Variants in NOPCHAP1 observed in about 807,000 individuals in gnomAD.
NOPCHAP1 encodes the protein NOP protein chaperone 1, also known as DNA damage-sensitive RNA 1.
In NOPCHAP1, 13 loss-of-function variants were observed where a neutral mutation model predicts 14.0. The ratio of observed to expected loss-of-function variants is 0.93; its 90% CI spans 0.60 to 1.47. The LOEUF is 1.47. Ranked by LOEUF, NOPCHAP1 falls within the 40% of genes most tolerant of loss-of-function variation. The pLI is 0.00. For synonymous variants in NOPCHAP1, 78 were observed against 78.4 expected (o/e 1.00, Z 0.03); for missense variants, 230 against 226.9 (o/e 1.01, Z -0.09).
chr12:105,006,230 A>C lies in NOPCHAP1; in HGVS notation c.*11534A>C, dbSNP rs139722499. ...CTTGATGGCTTTCACAGCTTTTTCT[A>C]TAACAATGATATTGTCTTCAATGGT... On this transcript the variant is annotated 3_prime_UTR_variant, in exon 4 of 4. Transcript: ENST00000552951. 4.6e-5 allele frequency: 7 copies of C among 152,200 alleles called. No individual in the cohort carries two copies. The highest frequency in any genetic ancestry group is 7.3e-5 in the Non-Finnish European group (5 of 68,038). The allele number at this position is 152,200 out of a possible 1,614,324, so 9.4% of individuals were successfully genotyped here. A position where few individuals can be genotyped will look rare whatever the true frequency, so the allele number is the denominator to read the frequency against.
intron 1 of NOPCHAP1, 106 bp from the exon 2 acceptor site, chr12:104,988,061 T>G: frequency 3.9e-6 from 3 of 775,850 alleles, no homozygotes; most frequent in Non-Finnish European, 4.1e-6. Flanking sequence ...TTTGGGGGAG[T>G]GTGGACAGTC....
In NOPCHAP1 at chr12:105,000,927, A is replaced by G. The variant is rs1873595561; in HGVS notation, c.*6231A>G. 6.6e-6 allele frequency: 1 copy of G among 151,594 alleles called. No individual in the cohort carries two copies. Among genetic ancestry groups the G allele is most frequent in the Non-Finnish European group, 1.5e-5 (1 of 67,918 alleles). 9.4% of individuals were successfully genotyped at this position (151,594 alleles called of 1,614,324 possible). A position where few individuals can be genotyped will look rare whatever the true frequency, so the allele number is the denominator to read the frequency against. On this transcript the variant is annotated 3_prime_UTR_variant, in exon 4 of 4. Transcript: ENST00000552951. ...GCATAGGTTTTTCAGTAACTATTTC[A>G]TAAGAAACTAATTTATTTTGTATTT...
chr12:105,017,079 A>G lies in NOPCHAP1; in HGVS notation c.*22383A>G, dbSNP rs1565943618. On this transcript the variant is annotated 3_prime_UTR_variant, in exon 4 of 4. Coordinates refer to ENST00000552951, the MANE Select transcript of NOPCHAP1 (RefSeq NM_152318.3). ...TAATGGCTTTTGAAGCAAAAATCTC[A>G]TTCTGAATAAATCTCCCATCTGTTC... 1 of 152,224 alleles carries G rather than the reference A, an allele frequency of 6.6e-6. No individual in the cohort carries two copies. The highest frequency in any genetic ancestry group is 1.5e-5 in the Non-Finnish European group (1 of 68,044). The allele number at this position is 152,224 out of a possible 1,614,324, so 9.4% of individuals were successfully genotyped here.
chr12:104,991,710 A>G lies in NOPCHAP1; in HGVS notation c.203-2A>G, dbSNP rs1363230544. The G allele has an allele frequency of 1.3e-6, 2 of 1,591,818 alleles. No homozygotes were observed. Among genetic ancestry groups the G allele is most frequent in the Non-Finnish European group, 1.7e-6 (2 of 1,174,428 alleles). ...TTGATATGCTGTATTTACTTTCCACAGTATTGGACCAGGTACAGACATTTC... is the reference window on the plus strand; with the variant it reads ...TTGATATGCTGTATTTACTTTCCACGGTATTGGACCAGGTACAGACATTTC... On this transcript the variant is annotated splice_acceptor_variant, in intron 2 of 3. Transcript: ENST00000552951. LOFTEE classifies it high-confidence loss of function.
chr12:104,988,598 C>T (rs1873301321), intron 2 of NOPCHAP1, among the ~76,000 whole-genome samples: 2 of 152,060 alleles, frequency 1.3e-5, no homozygotes, highest in African/African-American at 4.8e-5. Context: ...GAATTGGACA[C>T]AATTATTTAA....
rs1873921321 is a variant in NOPCHAP1 at position 105,015,203 on chromosome 12, C to T, written c.*20507C>T. The T allele has an allele frequency of 6.6e-6, 1 of 152,110 alleles. No homozygotes were observed. Among genetic ancestry groups the T allele is most frequent in the Non-Finnish European group, 1.5e-5 (1 of 68,010 alleles). 9.4% of individuals were successfully genotyped at this position (152,110 alleles called of 1,614,324 possible). A position where few individuals can be genotyped will look rare whatever the true frequency, so the allele number is the denominator to read the frequency against. Reference sequence around the variant, plus strand: ...ATTTTTTCAGCTGGAAAGAGTACACCAGAACTGTACACAGCCGTGATGAGT... The same window carrying T: ...ATTTTTTCAGCTGGAAAGAGTACACTAGAACTGTACACAGCCGTGATGAGT... On this transcript the variant is annotated 3_prime_UTR_variant, in exon 4 of 4. Transcript: ENST00000552951.
Position 105,000,389 on chromosome 12 carries a change from G to A in NOPCHAP1, c.*5693G>A, listed in dbSNP as rs1044434042. 2.0e-5 allele frequency: 3 copies of A among 152,108 alleles called. No homozygotes were observed. Among genetic ancestry groups the A allele is most frequent in the Admixed American group, 6.5e-5 (1 of 15,274 alleles). 9.4% of individuals were successfully genotyped at this position (152,108 alleles called of 1,614,324 possible). A position where few individuals can be genotyped will look rare whatever the true frequency, so the allele number is the denominator to read the frequency against. On this transcript the variant is annotated 3_prime_UTR_variant, in exon 4 of 4. Coordinates refer to ENST00000552951, the MANE Select transcript of NOPCHAP1 (RefSeq NM_152318.3). ...TTGGCATTAGTGGAGTTGTTTCCTG[G>A]TTTTTACCCATTAGCCCACAAACCC...
chr12:104,998,466 C>T lies in NOPCHAP1; in HGVS notation c.*3770C>T, dbSNP rs1259289242. 1 of 152,190 alleles carries T rather than the reference C, an allele frequency of 6.6e-6. No homozygotes were observed. Among genetic ancestry groups the T allele is most frequent in the Non-Finnish European group, 1.5e-5 (1 of 68,078 alleles). The allele number at this position is 152,190 out of a possible 1,614,324, so 9.4% of individuals were successfully genotyped here. On this transcript the variant is annotated 3_prime_UTR_variant, in exon 4 of 4. Transcript: ENST00000552951. Reference sequence around the variant, plus strand: ...AGGGGCCAAGGCTCAACTCAGGATTCCTGGACTGTATGCTGTAATTCTGGG... The same window carrying T: ...AGGGGCCAAGGCTCAACTCAGGATTTCTGGACTGTATGCTGTAATTCTGGG...
Position 105,007,027 on chromosome 12 carries a change from C to G in NOPCHAP1, c.*12331C>G, listed in dbSNP as rs968649940. ...GAAGCTGTTTCTTCTATTATCTTGACTTTTTTTTTTTTTTTAAGTCAAACC... is the reference window on the plus strand; with the variant it reads ...GAAGCTGTTTCTTCTATTATCTTGAGTTTTTTTTTTTTTTTAAGTCAAACC... On this transcript the variant is annotated 3_prime_UTR_variant, in exon 4 of 4. Coordinates refer to ENST00000552951, the MANE Select transcript of NOPCHAP1 (RefSeq NM_152318.3). The G allele has an allele frequency of 7.3e-6, 1 of 136,846 alleles. No individual in the cohort carries two copies. Among genetic ancestry groups the G allele is most frequent in the African/African-American group, 2.7e-5 (1 of 37,422 alleles). 8.5% of individuals were successfully genotyped at this position (136,846 alleles called of 1,614,324 possible). A position where few individuals can be genotyped will look rare whatever the true frequency, so the allele number is the denominator to read the frequency against.
chr12:105,013,181 CAGAGAGGAATCT>C lies in NOPCHAP1; in HGVS notation c.*18493_*18504del, dbSNP rs1873869813. 6.6e-6 allele frequency: 1 copy of C among 152,370 alleles called. No individual in the cohort carries two copies. Among genetic ancestry groups the C allele is most frequent in the South Asian group, 2.1e-4 (1 of 4,840 alleles). 9.4% of individuals were successfully genotyped at this position (152,370 alleles called of 1,614,324 possible). A position where few individuals can be genotyped will look rare whatever the true frequency, so the allele number is the denominator to read the frequency against. On this transcript the variant is annotated 3_prime_UTR_variant, in exon 4 of 4. Coordinates refer to ENST00000552951, the MANE Select transcript of NOPCHAP1 (RefSeq NM_152318.3). ...TGCCTTTCTTTCAGAGATGCCCTGC[CAGAGAGGAATCT>C]AGAGAGGCAGTCTAGGCACAGCTGC...
chr12:104,986,583 GC>G (rs1277592223), intron 1 of NOPCHAP1, 116 bp downstream of exon 1: 1 of 861,044 alleles, frequency 1.2e-6, no homozygotes, highest in Non-Finnish European at 1.7e-6. Context: ...CTCGAGGGGA[GC>G]CCCGGGGACT....
At position 105,007,965 on chromosome 12, in the gene NOPCHAP1, A is replaced by G. The variant is rs1000861086; in HGVS notation, c.*13269A>G. On this transcript the variant is annotated 3_prime_UTR_variant, in exon 4 of 4. Transcript: ENST00000552951. Reference sequence around the variant, plus strand: ...TATTGTGAGCAGTGCTGCAGTAAACATACATGTGTCTTTATAGTAGAATGA... The same window carrying G: ...TATTGTGAGCAGTGCTGCAGTAAACGTACATGTGTCTTTATAGTAGAATGA... The G allele has an allele frequency of 5.3e-5, 8 of 152,032 alleles. No individual in the cohort carries two copies. Among genetic ancestry groups the G allele is most frequent in the African/African-American group, 1.9e-4 (8 of 41,432 alleles). The allele number at this position is 152,032 out of a possible 1,614,324, so 9.4% of individuals were successfully genotyped here.
rs1204595038 is a variant in NOPCHAP1, at chr12:105,017,619, A to G, written c.*22923A>G. 6.6e-6 allele frequency: 1 copy of G among 152,168 alleles called. No homozygotes were observed. The highest frequency in any genetic ancestry group is 2.4e-5 in the African/African-American group (1 of 41,444). The allele number at this position is 152,168 out of a possible 1,614,324, so 9.4% of individuals were successfully genotyped here. A position where few individuals can be genotyped will look rare whatever the true frequency, so the allele number is the denominator to read the frequency against. On this transcript the variant is annotated 3_prime_UTR_variant, in exon 4 of 4. Transcript: ENST00000552951. ...TTGGAATATATAATAAATGTTCATTAAACTGACTATTGTTTCCTTCTCTTT... is the reference window on the plus strand; with the variant it reads ...TTGGAATATATAATAAATGTTCATTGAACTGACTATTGTTTCCTTCTCTTT...
In NOPCHAP1 at chr12:105,014,455, A is replaced by G. The variant is rs557422497; in HGVS notation, c.*19759A>G. The G allele has an allele frequency of 6.6e-6, 1 of 152,184 alleles. No individual in the cohort carries two copies. The highest frequency in any genetic ancestry group is 1.5e-5 in the Non-Finnish European group (1 of 68,018). 9.4% of individuals were successfully genotyped at this position (152,184 alleles called of 1,614,324 possible). On this transcript the variant is annotated 3_prime_UTR_variant, in exon 4 of 4. Transcript: ENST00000552951. ...AAAATATATTTATTGAAAATAATCC[A>G]TGTATAAGTGGACCCACACAGTTCA...
In NOPCHAP1 at chr12:105,016,147, CATT is replaced by C. The variant is rs1873941354; in HGVS notation, c.*21453_*21455del. The C allele has an allele frequency of 6.6e-6, 1 of 151,710 alleles. No homozygotes were observed. The highest frequency in any genetic ancestry group is 2.4e-5 in the African/African-American group (1 of 41,286). The allele number at this position is 151,710 out of a possible 1,614,324, so 9.4% of individuals were successfully genotyped here. On this transcript the variant is annotated 3_prime_UTR_variant, in exon 4 of 4. Coordinates refer to ENST00000552951, the MANE Select transcript of NOPCHAP1 (RefSeq NM_152318.3). ...AAATATCTGAAACATGACAGAGTGTCATTAATATATCATGGGCTTTTACATTTT... is the reference window on the plus strand; with the variant it reads ...AAATATCTGAAACATGACAGAGTGTCAATATATCATGGGCTTTTACATTTT...
rs369884510 is a variant in NOPCHAP1, at chr12:105,015,027, A to G, written c.*20331A>G. 5.3e-5 allele frequency: 8 copies of G among 152,178 alleles called. No individual in the cohort carries two copies. Among genetic ancestry groups the G allele is most frequent in the Non-Finnish European group, 8.8e-5 (6 of 68,024 alleles). The allele number at this position is 152,178 out of a possible 1,614,324, so 9.4% of individuals were successfully genotyped here. ...TTTTCTTTGAATTCTGTTCTTTCCA[A>G]TTCTTCACATTGGCCTGAGTCTTCT... On this transcript the variant is annotated 3_prime_UTR_variant, in exon 4 of 4. Transcript: ENST00000552951.
chr12:105,013,220 T>C lies in NOPCHAP1; in HGVS notation c.*18524T>C, dbSNP rs1050909962. 4.6e-5 allele frequency: 7 copies of C among 152,288 alleles called. No homozygotes were observed. Among genetic ancestry groups the C allele is most frequent in the African/African-American group, 1.7e-4 (7 of 41,468 alleles). The allele number at this position is 152,288 out of a possible 1,614,324, so 9.4% of individuals were successfully genotyped here. ...GAGAGGCAGTCTAGGCACAGCTGCT[T>C]TGCCGCACTGTGGTGGGCTCTGCCC... On this transcript the variant is annotated 3_prime_UTR_variant, in exon 4 of 4. Transcript: ENST00000552951.
Position 104,995,634 on chromosome 12 carries a change from G to A in NOPCHAP1, c.*938G>A, listed in dbSNP as rs911535688. On this transcript the variant is annotated 3_prime_UTR_variant, in exon 4 of 4. Coordinates refer to ENST00000552951, the MANE Select transcript of NOPCHAP1 (RefSeq NM_152318.3). ...GACTAGCACCCAACCACTACAAAGAGTGAGTCCCCAGGAGCCCCACTGTAA... is the reference window on the plus strand; with the variant it reads ...GACTAGCACCCAACCACTACAAAGAATGAGTCCCCAGGAGCCCCACTGTAA... 20 of 151,778 alleles carry A rather than the reference G, an allele frequency of 1.3e-4. No homozygotes were observed. The highest frequency in any genetic ancestry group is 4.8e-4 in the African/African-American group (20 of 41,318). The allele number at this position is 151,778 out of a possible 1,614,324, so 9.4% of individuals were successfully genotyped here. A position where few individuals can be genotyped will look rare whatever the true frequency, so the allele number is the denominator to read the frequency against.
Position 104,988,231 on chromosome 12 carries a change from A to G in NOPCHAP1, c.180A>G (p.Thr60=). The G allele has an allele frequency of 1.2e-6, 2 of 1,612,368 alleles. No homozygotes were observed. Among genetic ancestry groups the G allele is most frequent in the Non-Finnish European group, 1.7e-6 (2 of 1,178,910 alleles). Reference sequence around the variant, plus strand: ...CCAGAAAGACCTCCACTCTTCAAACAGTTCGGATAGAGAGGAGTCCCTGTA... The same window carrying G: ...CCAGAAAGACCTCCACTCTTCAAACGGTTCGGATAGAGAGGAGTCCCTGTA... ...PKSRKTSTLQ[T]VRIERSPLLD... The change falls in exon 2 of 4, where the codon ACA becomes ACG. Residue 60 remains threonine (T), a synonymous_variant. Transcript: ENST00000552951.
Sources: allele counts gnomAD v4.1 joint callset (sites outside exome capture counted in the v4.1 genomes callset), GRCh38; gene constraint gnomAD v4.1.1; transcripts MANE v1.5; gene names NCBI Gene and HGNC (gene_info 2026-07-23, HGNC 2026-07-21).